Variants in NAV1 observed in about 807,000 individuals in gnomAD.
NAV1 encodes neuron navigator 1.
In NAV1, 18 loss-of-function variants were observed where a neutral mutation model predicts 175.2. The ratio of observed to expected loss-of-function variants is 0.10; its 90% confidence interval spans 0.07 to 0.15. NAV1 has a LOEUF of 0.15. Ranked by LOEUF, NAV1 falls within the 10% of genes least tolerant of loss-of-function variation. The pLI is 1.00. For missense variants in NAV1, 1,731 were observed against 2,436.6 expected, an observed-to-expected ratio of 0.71 and a Z score of 6.10; for synonymous variants, 897 against 978.7, an observed-to-expected ratio of 0.92 and a Z score of 1.56.
intron 1 of NAV1, among the ~76,000 whole-genome samples, chr1:201,566,185 G>C (rs1249624546): frequency 6.6e-6 from 1 of 152,142 alleles, no homozygotes; most frequent in Non-Finnish European, 1.5e-5. Flanking sequence ...CTTTCAGAGA[G>C]AGGCAGGCCA....
At chr1:201,795,609 A>C (rs651103) in intron 15 of NAV1, 87,475 of 151,878 alleles carry the variant, frequency 0.58, 26,948 homozygotes, top group South Asian at 0.75. Flanking sequence ...TCGATCCTAC[A>C]TTTCCACCTC....
chr1:201,654,882 A>G (rs942499772), intron 1 of NAV1, among the ~76,000 whole-genome samples: 2 of 152,038 alleles, frequency 1.3e-5, no homozygotes, highest in Non-Finnish European at 2.9e-5. Flanking sequence ...TATTAGATAG[A>G]TATTTCTTCT....
At position 201,574,603 on chromosome 1, in the gene NAV1, G is replaced by T. The variant is rs564887128; in HGVS notation, c.-143-13936G>T. ...AGTAGCTTACTGAGCAAGTGGGAAG[G>T]CTGCAGAACCAGGCTTGGGAAACCT... On this transcript the variant is annotated intron_variant, in intron 1 of 33. Coordinates refer to the NAV1 transcript ENST00000685211. Among the ~76,000 whole-genome samples, 17 of 152,306 alleles carry T rather than the reference G, an allele frequency of 1.1e-4. No individual in the cohort carries two copies. In the East Asian group the frequency reaches 3.3e-3, roughly 29 times the overall value.
At chr1:201,571,181 C>T (rs971472718) in intron 1 of NAV1, among the ~76,000 whole-genome samples, 1 of 152,216 alleles carries the variant, frequency 6.6e-6, no homozygotes, top group African/African-American at 2.4e-5. Flanking sequence ...GGACTAAGCA[C>T]AATTGCCATC....
intron 2 of NAV1, among the ~76,000 whole-genome samples, chr1:201,642,427 G>A (rs755605589): frequency 2.6e-5 from 4 of 151,822 alleles, no homozygotes; most frequent in Non-Finnish European, 4.4e-5. Context: ...GGGTTTCACC[G>A]TGTTAGCCAG....
intron 1 of NAV1, among the ~76,000 whole-genome samples, chr1:201,540,465 G>C (rs1160056633): frequency 2.0e-5 from 3 of 152,318 alleles, no homozygotes; most frequent in East Asian, 3.9e-4. Flanking sequence ...GCTAGCTCTT[G>C]TTCCCCCTAC....
exon 30 of NAV1, chr1:201,825,189 C>T (rs1200080606): frequency 6.6e-6 from 1 of 152,082 alleles, no homozygotes; most frequent in African/African-American, 2.4e-5. Flanking sequence ...CAGAGAAAAA[C>T]CTTATGCCTT....
In NAV1 at chr1:201,750,956, T is replaced by G. The variant is rs962608854; in HGVS notation, c.1227-29465T>G. On this transcript the variant is annotated intron_variant, in intron 3 of 29. Coordinates refer to ENST00000367296, the Ensembl canonical transcript of NAV1. This position sits in a 1 kb window ranked among gnomAD's most constrained non-coding sequence, Gnocchi z 4.1. ...CCTCTAGAAACAAAACCAGTTTGATTTTGATTAACTTTCTCTTCTTTTAAT... is the reference window on the plus strand; with the variant it reads ...CCTCTAGAAACAAAACCAGTTTGATGTTGATTAACTTTCTCTTCTTTTAAT... Among the ~76,000 whole-genome samples the G allele has an allele frequency of 1.3e-5, 2 of 152,220 alleles. No individual in the cohort carries two copies. The highest frequency in any genetic ancestry group is 1.3e-4 in the Admixed American group (2 of 15,286).
At chr1:201,719,145 C>A (rs1287442709) in intron 3 of NAV1, among the ~76,000 whole-genome samples, 3 of 131,910 alleles carry the variant, frequency 2.3e-5, no homozygotes. Flanking sequence ...ACTAAATCTG[C>A]TTTCCCATTT....
At chr1:201,554,558 A>G (rs1665957082) in intron 1 of NAV1, among the ~76,000 whole-genome samples, 2 of 152,114 alleles carry the variant, frequency 1.3e-5, no homozygotes, top group South Asian at 4.1e-4. Flanking sequence ...CGTGGGAGAG[A>G]CTTTTTACAA....
In NAV1 at chr1:201,810,509, G is replaced by C. The variant is rs1037909006; in HGVS notation, c.4562-14G>C. 1 of 1,598,462 alleles carries C rather than the reference G, an allele frequency of 6.3e-7. No homozygotes were observed. The highest frequency in any genetic ancestry group is 2.3e-5 in the East Asian group (1 of 43,996). On this transcript the variant is annotated splice_polypyrimidine_tract_variant and intron_variant, in intron 23 of 29. Coordinates refer to ENST00000367296, the Ensembl canonical transcript of NAV1. This position sits in a 1 kb window ranked among gnomAD's most constrained non-coding sequence, Gnocchi z 6.0. The stretch of plus-strand genomic sequence containing the variant: ...CCCTGGTCAATACTCATGCTTTCTG[G>C]GGTGGGGGTTCAGGTCTGAAGGAGA...
chr1:201,702,845 ACCTCCC>A (rs1671497087), intron 1 of NAV1, among the ~76,000 whole-genome samples: 1 of 151,296 alleles, frequency 6.6e-6, no homozygotes, highest in Admixed American at 6.6e-5. Context: ...AGCTTACTCA[ACCTCCC>A]CAGGCTTCCG....
chr1:201,642,285 TCA>T (rs1324532985), intron 2 of NAV1, among the ~76,000 whole-genome samples: 3 of 151,262 alleles, frequency 2.0e-5, no homozygotes. Context: ...CGATCTCGGC[TCA>T]CTGCAGGCTC....
At chr1:201,727,122 C>G (rs239975) in intron 3 of NAV1, among the ~76,000 whole-genome samples, 6 of 152,126 alleles carry the variant, frequency 3.9e-5, no homozygotes, top group Non-Finnish European at 8.8e-5. Context: ...AATACTCTTA[C>G]GTTAGATATC....
rs1054385912 is a variant in NAV1, at chr1:201,810,946, C to T, written c.4797+188C>T. On this transcript the variant is annotated intron_variant, in intron 24 of 29. Coordinates refer to ENST00000367296, the Ensembl canonical transcript of NAV1. The surrounding 1 kb of genome is among the most constrained non-coding windows in gnomAD (Gnocchi z 6.0). Reference sequence around the variant, plus strand: ...TCCAGTCTTCTCCTTTCCCTCCCCACGATTTCTTTCCAGCCTCTTGCCTTT... The same window carrying T: ...TCCAGTCTTCTCCTTTCCCTCCCCATGATTTCTTTCCAGCCTCTTGCCTTT... 8.5e-5 allele frequency among the ~76,000 whole-genome samples: 13 copies of T among 152,256 alleles called. No homozygotes were observed. Among genetic ancestry groups the T allele is most frequent in the African/African-American group, 2.6e-4 (11 of 41,536 alleles).
At chr1:201,767,001 T>C (rs555421785) in intron 3 of NAV1, among the ~76,000 whole-genome samples, 1 of 151,706 alleles carries the variant, frequency 6.6e-6, no homozygotes, top group South Asian at 2.1e-4. Context: ...TTTGTATTTT[T>C]AGTAGAGACA....
chr1:201,774,049 T>C (rs570608345), intron 3 of NAV1, among the ~76,000 whole-genome samples: 1 of 152,350 alleles, frequency 6.6e-6, no homozygotes, highest in East Asian at 1.9e-4. Flanking sequence ...GTAGATTAGA[T>C]TATACAGGGT....
chr1:201,643,168 TCTTCCCTTC>T (rs1191142568), intron 2 of NAV1, among the ~76,000 whole-genome samples: 3 of 145,764 alleles, frequency 2.1e-5, no homozygotes, highest in South Asian at 2.2e-4. Flanking sequence ...TTCTTCCCTT[TCTTCCCTTC>T]CTTCTCTTTC....
At chr1:201,801,145 G>A (rs1317138971) in intron 15 of NAV1, among the ~76,000 whole-genome samples, 1 of 152,074 alleles carries the variant, frequency 6.6e-6, no homozygotes, top group Middle Eastern at 3.2e-3. Flanking sequence ...AATTTCCCAC[G>A]CCTTTTAAAA....
Sources: gnomAD v4.1 joint callset for allele counts (sites outside exome capture counted in the v4.1 genomes callset) on GRCh38, gnomAD v4.1.1 for gene constraint, Gnocchi (gnomAD v3.1) non-coding constraint, MANE v1.5 for transcripts, NCBI Gene and HGNC (gene_info 2026-07-23, HGNC 2026-07-21) for gene names.